Variants in ABCC1 observed in about 807,000 individuals in gnomAD.
ABCC1 encodes the protein ATP binding cassette subfamily C member 1 (ABCC1 blood group).
A neutral mutation model predicts 172.9 loss-of-function variants in ABCC1; 83 were observed. That is an observed-to-expected ratio of 0.48 (90% CI 0.40 to 0.58). The LOEUF is 0.58. ABCC1 is among the 20% of genes least tolerant of loss of function. The probability of loss-of-function intolerance (pLI) is 0.00; values close to 1 mark genes in which losing one functional copy is unlikely to be tolerated. For missense variants in ABCC1, 1,817 were observed against 2,002.7 expected (o/e 0.91, Z 1.77); for synonymous variants, 937 against 825.2 (o/e 1.14, Z -2.32).
intron 3 of ABCC1, among the ~76,000 whole-genome samples, chr16:16,012,479 G>C (rs2047822845): frequency 1.6e-5 from 2 of 125,000 alleles, no homozygotes; most frequent in South Asian, 2.4e-4. Flanking sequence ...TGGGGTATTA[G>C]AGTGGATTTT....
chr16:16,101,591 C>G (rs1368464509), intron 19 of ABCC1, among the ~76,000 whole-genome samples: 5 of 152,200 alleles, frequency 3.3e-5, no homozygotes, highest in Non-Finnish European at 5.9e-5. Context: ...TTTGTATCTT[C>G]TGTCCTGGGT....
intron 1 of ABCC1, among the ~76,000 whole-genome samples, chr16:15,981,089 C>A (rs565597315): frequency 6.6e-6 from 1 of 152,196 alleles, no homozygotes; most frequent in Non-Finnish European, 1.5e-5. Flanking sequence ...CATGCTTATG[C>A]GAGAGGTGGG....
At chr16:16,037,272 C>A (rs577985692) in intron 7 of ABCC1, among the ~76,000 whole-genome samples, 13 of 152,142 alleles carry the variant, frequency 8.5e-5, no homozygotes, top group Non-Finnish European at 1.6e-4. Flanking sequence ...GCCCAGCTGA[C>A]CACGTAAGTC....
chr16:15,961,000 GT>G lies in ABCC1; in HGVS notation c.48+11225del, dbSNP rs745767540. On this transcript the variant is annotated intron_variant, in intron 1 of 30. Transcript: ENST00000399410. ...CTGTTTATGTTTGAATGAAACGCAG[GT>G]TTTTTTTTTTTTTTTTTTTTTTTAA... Among the ~76,000 whole-genome samples the G allele has an allele frequency of 5.0e-3, 536 of 107,708 alleles. 20 individuals are homozygous for G. The East Asian group carries it at 0.09, about 18-fold the overall frequency. The allele number at this position is 107,708 out of a possible 152,430, so 70.7% of individuals were successfully genotyped here.
At chr16:16,029,788 G>T (rs2048501989) in intron 5 of ABCC1, among the ~76,000 whole-genome samples, 1 of 152,214 alleles carries the variant, frequency 6.6e-6, no homozygotes, top group African/African-American at 2.4e-5. Context: ...AGCTGAGGCA[G>T]GAGGATCACT....
At chr16:16,032,552 T>C (rs2048594442) in intron 5 of ABCC1, among the ~76,000 whole-genome samples, 1 of 152,190 alleles carries the variant, frequency 6.6e-6, no homozygotes, top group Non-Finnish European at 1.5e-5. Flanking sequence ...GAAGTGGAGA[T>C]AATAGTAATA....
chr16:16,009,649 C>T lies in ABCC1; in HGVS notation c.226-127C>T, dbSNP rs977648759. ...TATTCCAGTGGATATGTGCCATGTC[C>T]TAGGACTGTGGCTGATCATTTGAAG... On this transcript the variant is annotated intron_variant, in intron 2 of 30. Coordinates refer to ENST00000399410, the MANE Select transcript of ABCC1 (RefSeq NM_004996.4). The T allele has an allele frequency of 2.0e-5, 21 of 1,040,746 alleles. No homozygotes were observed. The Admixed American group carries it at 2.2e-4, about 11-fold the overall frequency. 64.5% of individuals were successfully genotyped at this position (1,040,746 alleles called of 1,614,324 possible). A position where few individuals can be genotyped will look rare whatever the true frequency, so the allele number is the denominator to read the frequency against.
intron 5 of ABCC1, among the ~76,000 whole-genome samples, chr16:16,031,890 G>A (rs950446842): frequency 3.9e-5 from 6 of 152,206 alleles, no homozygotes; most frequent in Non-Finnish European, 8.8e-5. Flanking sequence ...TCTCTCTGGA[G>A]CCTGACTCTT....
intron 5 of ABCC1, among the ~76,000 whole-genome samples, chr16:16,031,112 G>A (rs974725020): frequency 3.9e-5 from 6 of 152,166 alleles, no homozygotes; most frequent in African/African-American, 1.4e-4. Flanking sequence ...GCCTCCCAAA[G>A]TACTGGGATT....
At chr16:16,134,324 C>A (rs747116475) in intron 27 of ABCC1, 26 bp from the exon 28 acceptor site, 1 of 1,612,676 alleles carries the variant, frequency 6.2e-7, no homozygotes, top group African/African-American at 1.3e-5. Flanking sequence ...GCATTCCCAC[C>A]ACACCTGGGC....
intron 8 of ABCC1, 67 bp from the exon 9 acceptor site, chr16:16,045,769 C>G: frequency 6.6e-7 from 1 of 1,513,138 alleles, no homozygotes. Flanking sequence ...AGTGCCAACA[C>G]TGAAGCTCTC....
intron 10 of ABCC1, among the ~76,000 whole-genome samples, chr16:16,052,453 T>TGCAGTTGTA (rs939840589): frequency 1.3e-5 from 2 of 151,716 alleles, no homozygotes; most frequent in Admixed American, 1.3e-4. Context: ...ATTAGAATCC[T>TGCAGTTGTA]GCAGTTGTAA....
intron 12 of ABCC1, among the ~76,000 whole-genome samples, chr16:16,064,161 T>G (rs1049661988): frequency 6.6e-6 from 1 of 152,064 alleles, no homozygotes; most frequent in Admixed American, 6.6e-5. Context: ...AGGGGTTCCA[T>G]TCATTGGTTT....
At chr16:16,101,585 T>C (rs1298171198) in intron 19 of ABCC1, among the ~76,000 whole-genome samples, 3 of 152,190 alleles carry the variant, frequency 2.0e-5, no homozygotes, top group African/African-American at 7.2e-5. Flanking sequence ...ATCCCTTTTG[T>C]ATCTTCTGTC....
chr16:15,980,154 G>A (rs2046587751), intron 1 of ABCC1, among the ~76,000 whole-genome samples: 1 of 152,132 alleles, frequency 6.6e-6, no homozygotes, highest in Non-Finnish European at 1.5e-5. Flanking sequence ...GAAGGGTTAG[G>A]TAGTACATAT....
At chr16:16,046,046 G>T in intron 9 of ABCC1, 33 bp downstream of exon 9, 4 of 1,607,492 alleles carry the variant, frequency 2.5e-6, no homozygotes, top group Non-Finnish European at 2.6e-6. Flanking sequence ...CATGTGGCCC[G>T]ACTTCCACAT....
chr16:16,012,776 G>A (rs2047840974), intron 3 of ABCC1, among the ~76,000 whole-genome samples: 1 of 150,366 alleles, frequency 6.7e-6, no homozygotes, highest in Non-Finnish European at 1.5e-5. Context: ...TCTGCCTCCC[G>A]GGTTCAAGTG....
intron 3 of ABCC1, among the ~76,000 whole-genome samples, chr16:16,012,360 G>A (rs1181671631): frequency 6.6e-6 from 1 of 152,188 alleles, no homozygotes; most frequent in African/African-American, 2.4e-5. Flanking sequence ...TCAGAGCCTG[G>A]CCCTGTGCCT....
In ABCC1 at chr16:16,046,711, C is replaced by T. The variant is rs555481393; in HGVS notation, c.1218+698C>T. Among the ~76,000 whole-genome samples the T allele has an allele frequency of 3.6e-4, 54 of 152,024 alleles. 1 individual carries two copies. Among genetic ancestry groups the T allele is most frequent in the Admixed American group, 1.1e-3 (17 of 15,256 alleles). ...TTGCATGGTAAGAGTATGTAGCAGG[C>T]ATTTGTGTACATCCAATTTCAAAGG... On this transcript the variant is annotated intron_variant, in intron 9 of 30. Coordinates refer to ENST00000399410, the MANE Select transcript of ABCC1 (RefSeq NM_004996.4).
Sources: allele counts gnomAD v4.1 joint callset (sites outside exome capture counted in the v4.1 genomes callset), GRCh38; gene constraint gnomAD v4.1.1; transcripts MANE v1.5; gene names NCBI Gene and HGNC (gene_info 2026-07-23, HGNC 2026-07-21).